UBA6: variants seen among roughly 807,000 people sequenced by gnomAD.
The protein encoded by UBA6 is ubiquitin-like modifier-activating enzyme 6.
In UBA6, 87 loss-of-function variants were observed where a neutral mutation model predicts 148.3. The ratio of observed to expected loss-of-function variants is 0.59; its 90% CI spans 0.49 to 0.70. The LOEUF (loss-of-function observed/expected upper bound fraction) is 0.70, where lower values mean the gene tolerates loss of function less well. UBA6 is among the 30% of genes least tolerant of loss of function. The pLI, the probability that UBA6 is intolerant of heterozygous loss-of-function variation, is 0.00. For synonymous variants in UBA6, 376 were observed against 401.0 expected (o/e 0.94, Z 0.75); for missense variants, 1,186 against 1,241.2 (o/e 0.96, Z 0.67).
intron 12 of UBA6, 62 bp downstream of exon 12, chr4:67,663,077 T>G: frequency 8.1e-7 from 1 of 1,232,014 alleles, no homozygotes; most frequent in Non-Finnish European, 1.2e-6. Context: ...TTTTAAATTA[T>G]AATTTCTGAA....
chr4:67,687,639 C>A (rs1298546843), intron 2 of UBA6, among the ~76,000 whole-genome samples: 5 of 152,012 alleles, frequency 3.3e-5, no homozygotes, highest in African/African-American at 1.2e-4. Context: ...TAAAGAGATA[C>A]CTAAAATCAT....
intron 10 of UBA6, 45 bp downstream of exon 10, chr4:67,665,142 CTT>C: frequency 8.1e-7 from 1 of 1,229,280 alleles, no homozygotes; most frequent in Non-Finnish European, 1.1e-6. Context: ...TTCTGCCTTT[CTT>C]TTTCTGTAAA....
chr4:67,696,711 G>GAA lies in UBA6; in HGVS notation c.72-6_72-5dup. 3 of 1,566,170 alleles carry GAA rather than the reference G, an allele frequency of 1.9e-6. No homozygotes were observed. The highest frequency in any genetic ancestry group is 2.6e-6 in the Non-Finnish European group (3 of 1,151,006). On this transcript the variant is annotated splice_region_variant and splice_polypyrimidine_tract_variant and intron_variant, in intron 1 of 32. Coordinates refer to ENST00000322244, the MANE Select transcript of UBA6 (RefSeq NM_018227.6). ...AATGGGCAAATTTTTATTTGTGCTG[G>GAA]AAAAAAAAACATGGTTATTAAATAT... is the stretch of plus-strand genomic sequence containing the variant.
intron 13 of UBA6, among the ~76,000 whole-genome samples, chr4:67,660,233 T>C (rs1729815505): frequency 6.6e-6 from 1 of 152,198 alleles, no homozygotes; most frequent in African/African-American, 2.4e-5. Flanking sequence ...GCTGCAGAAA[T>C]TTCCATAAAT....
At position 67,646,693 on chromosome 4, in the gene UBA6, T is replaced by C. The variant is rs764294243; in HGVS notation, c.1316+31A>G. The C allele has an allele frequency of 3.2e-6, 5 of 1,552,040 alleles. No homozygotes were observed. The Admixed American group carries it at 8.8e-5, about 27-fold the overall frequency. ...AAAACTTTTAAAATCTATTTGCCTG[T>C]TAGTAAAAGCAAGAGAAATTTCATT... On this transcript the variant is annotated intron_variant, in intron 15 of 32. Coordinates refer to ENST00000322244, the MANE Select transcript of UBA6 (RefSeq NM_018227.6).
intron 5 of UBA6, 144 bp downstream of exon 5, chr4:67,678,295 A>T (rs1730339440): frequency 2.4e-6 from 1 of 419,024 alleles, no homozygotes; most frequent in Non-Finnish European, 4.2e-6. Flanking sequence ...AAAAAAACTC[A>T]TAATACATAA....
Position 67,639,096 on chromosome 4 carries a change from G to A in UBA6, c.1583C>T (p.Ala528Val), listed in dbSNP as rs1271725209. 6.2e-7 allele frequency: 1 copy of A among 1,612,914 alleles called. No individual in the cohort carries two copies. Among genetic ancestry groups the A allele is most frequent in the Non-Finnish European group, 8.5e-7 (1 of 1,179,686 alleles). Residue 528 changes from alanine (A) to valine (V), a missense_variant, in exon 19 of 33, where the codon GCT (alanine) becomes GTT (valine). Ala to Val is a moderately conservative substitution (Grantham distance 64, BLOSUM62 0). Coordinates refer to ENST00000322244, the MANE Select transcript of UBA6 (RefSeq NM_018227.6). Reference protein sequence around the residue: ...QKPKSYTAADATLKINSQIKI... With the variant: ...QKPKSYTAADVTLKINSQIKI... ...TATTTGAGAATTTATTTTCAGAGTA[G>A]CATCAGCAGCAGTGTAGCTTTTAGG...
At chr4:67,677,949 T>C (rs1730324983) in intron 5 of UBA6, among the ~76,000 whole-genome samples, 1 of 151,496 alleles carries the variant, frequency 6.6e-6, no homozygotes, top group Admixed American at 6.6e-5. Flanking sequence ...TCTCAAAGTG[T>C]ACCCTAATAG....
At chr4:67,625,290 T>C in intron 28 of UBA6, 103 bp from the exon 29 acceptor site, 1 of 878,142 alleles carries the variant, frequency 1.1e-6, no homozygotes, top group South Asian at 2.9e-5. Flanking sequence ...TTCCTTTTTA[T>C]ATTTTTTAAT....
chr4:67,628,723 C>T (rs12505139), intron 27 of UBA6, among the ~76,000 whole-genome samples: 2,951 of 151,920 alleles, frequency 0.019, 72 homozygotes, highest in East Asian at 0.1. Context: ...CTCACAAAGG[C>T]ATGTAAGCTC....
In UBA6 at chr4:67,687,604, A is replaced by T. The variant is rs552447054; in HGVS notation, c.135-5391T>A. Among the ~76,000 whole-genome samples, 5 of 152,348 alleles carry T rather than the reference A, an allele frequency of 3.3e-5. No individual in the cohort carries two copies. In the East Asian group the frequency reaches 9.6e-4, roughly 29 times the overall value. On this transcript the variant is annotated intron_variant, in intron 2 of 32. Coordinates refer to ENST00000322244, the MANE Select transcript of UBA6 (RefSeq NM_018227.6). Reference sequence around the variant, plus strand: ...TCTTGAACTTGGAAGGAAAAATCTGAAGAGAGACTCAAATATCACTAACAT... The same window carrying T: ...TCTTGAACTTGGAAGGAAAAATCTGTAGAGAGACTCAAATATCACTAACAT...
intron 7 of UBA6, among the ~76,000 whole-genome samples, chr4:67,671,434 TA>T (rs1730145605): frequency 6.8e-6 from 1 of 147,244 alleles, no homozygotes; most frequent in Non-Finnish European, 1.5e-5. Flanking sequence ...AATGGATACA[TA>T]TAGCTTTTTT....
intron 18 of UBA6, 90 bp downstream of exon 18, chr4:67,641,061 C>T (rs772879892): frequency 3.1e-5 from 24 of 781,880 alleles, no homozygotes; most frequent in Non-Finnish European, 3.7e-5. Context: ...TAAAATAACA[C>T]GATTGTTCAA....
At chr4:67,649,281 TA>T (rs1400781388) in intron 13 of UBA6, 70 bp from the exon 14 acceptor site, 1 of 1,385,404 alleles carries the variant, frequency 7.2e-7, no homozygotes, top group Non-Finnish European at 9.7e-7. Flanking sequence ...TTCCAATGAC[TA>T]AATGTGAGAA....
intron 10 of UBA6, among the ~76,000 whole-genome samples, chr4:67,664,274 T>C (rs892129838): frequency 2.6e-5 from 4 of 152,128 alleles, no homozygotes; most frequent in South Asian, 4.1e-4. Context: ...TCAAGACTTA[T>C]TAAATTCTGT....
At chr4:67,696,564 A>T (rs1046938172) in intron 2 of UBA6, 81 bp downstream of exon 2, 2 of 1,086,734 alleles carry the variant, frequency 1.8e-6, no homozygotes, top group Non-Finnish European at 2.7e-6. Context: ...CATAGGCTGA[A>T]TGGTATCTTC....
chr4:67,687,492 C>T (rs1577839868), intron 2 of UBA6, among the ~76,000 whole-genome samples: 1 of 152,224 alleles, frequency 6.6e-6, no homozygotes, highest in Non-Finnish European at 1.5e-5. Flanking sequence ...TCTACTGTAC[C>T]AATGTTTCTC....
intron 23 of UBA6, among the ~76,000 whole-genome samples, chr4:67,632,314 G>C (rs890818146): frequency 1.3e-5 from 2 of 152,226 alleles, no homozygotes; most frequent in Middle Eastern, 3.4e-3. Context: ...ATACATGTTT[G>C]AGATTTGCTT....
At chr4:67,626,913 G>GC (rs1488843256) in intron 27 of UBA6, among the ~76,000 whole-genome samples, 3 of 151,794 alleles carry the variant, frequency 2.0e-5, no homozygotes, top group African/African-American at 7.2e-5. Flanking sequence ...TACTTTAAAC[G>GC]CATGTTGCTT....
Sources: gnomAD v4.1 joint callset for allele counts (sites outside exome capture counted in the v4.1 genomes callset) on GRCh38, gnomAD v4.1.1 for gene constraint, MANE v1.5 for transcripts, NCBI Gene and HGNC (gene_info 2026-07-23, HGNC 2026-07-21) for gene names.